CAMKMT: variants seen among roughly 807,000 people sequenced by gnomAD.
The protein encoded by CAMKMT is CaM KMT.
A neutral mutation model predicts 48.0 loss-of-function variants in CAMKMT; 53 were observed. That is an observed-to-expected ratio of 1.10 (90% CI 0.89 to 1.39). The LOEUF is 1.39. Ranked by LOEUF, CAMKMT falls within the 40% of genes most tolerant of loss-of-function variation. The pLI is 0.00. For missense variants in CAMKMT, 428 were observed against 402.7 expected, an observed-to-expected ratio of 1.06 and a Z score of -0.54; for synonymous variants, 165 against 152.3, an observed-to-expected ratio of 1.08 and a Z score of -0.61.
chr2:44,446,269 G>A (rs1480389813), intron 3 of CAMKMT, among the ~76,000 whole-genome samples: 1 of 151,996 alleles, frequency 6.6e-6, no homozygotes, highest in African/African-American at 2.4e-5. Context: ...CTGAATGCCA[G>A]TTATGTGTCA....
chr2:44,499,672 C>T (rs186866801), intron 3 of CAMKMT, among the ~76,000 whole-genome samples: 40 of 152,306 alleles, frequency 2.6e-4, no homozygotes, highest in Middle Eastern at 3.4e-3. Context: ...TGAAATTCTT[C>T]TAATATTACT....
chr2:44,556,314 T>C (rs866803076), intron 3 of CAMKMT, among the ~76,000 whole-genome samples: 8 of 151,826 alleles, frequency 5.3e-5, no homozygotes, highest in Non-Finnish European at 1.2e-4. Flanking sequence ...AATTTTTGTA[T>C]TTTTAGTAGA....
intron 3 of CAMKMT, among the ~76,000 whole-genome samples, chr2:44,399,368 G>A (rs1459278827): frequency 6.6e-6 from 1 of 152,108 alleles, no homozygotes; most frequent in Non-Finnish European, 1.5e-5. Flanking sequence ...ACTGCCATTA[G>A]ATACAAGTAA....
chr2:44,697,526 A>G (rs1677021394), intron 3 of CAMKMT, among the ~76,000 whole-genome samples: 1 of 152,144 alleles, frequency 6.6e-6, no homozygotes, highest in South Asian at 2.1e-4. Flanking sequence ...TTGCCTAAAA[A>G]TCTTAGCAAA....
At chr2:44,718,893 T>G (rs1678312300) in intron 7 of CAMKMT, among the ~76,000 whole-genome samples, 1 of 152,184 alleles carries the variant, frequency 6.6e-6, no homozygotes, top group Non-Finnish European at 1.5e-5. Flanking sequence ...TAACCCAAAC[T>G]TTACCTTTAT....
intron 3 of CAMKMT, among the ~76,000 whole-genome samples, chr2:44,543,352 C>T (rs1281007283): frequency 6.6e-6 from 1 of 152,048 alleles, no homozygotes; most frequent in East Asian, 1.9e-4. Flanking sequence ...AAGACATTTC[C>T]CTGTATTAAA....
At chr2:44,693,807 A>G (rs1676789868) in intron 3 of CAMKMT, among the ~76,000 whole-genome samples, 1 of 152,152 alleles carries the variant, frequency 6.6e-6, no homozygotes, top group African/African-American at 2.4e-5. Context: ...AGTAACATCT[A>G]CCCGTGCATT....
At position 44,571,988 on chromosome 2, in the gene CAMKMT, A is replaced by G. The variant is rs1572828264; in HGVS notation, c.377-132295A>G. On this transcript the variant is annotated intron_variant, in intron 3 of 10. Coordinates refer to ENST00000378494, the MANE Select transcript of CAMKMT (RefSeq NM_024766.5). Reference sequence around the variant, plus strand: ...AAAATCCTATTTTAAAATATTTTTTATCATGGTAAAACATATATAATCTTT... The same window carrying G: ...AAAATCCTATTTTAAAATATTTTTTGTCATGGTAAAACATATATAATCTTT... 1.3e-5 allele frequency among the ~76,000 whole-genome samples: 2 copies of G among 152,312 alleles called. 1 individual carries two copies. Among genetic ancestry groups the G allele is most frequent in the Admixed American group, 1.3e-4 (2 of 15,306 alleles).
chr2:44,700,838 G>A (rs1048586019), intron 3 of CAMKMT, among the ~76,000 whole-genome samples: 2 of 152,134 alleles, frequency 1.3e-5, no homozygotes, highest in Admixed American at 6.5e-5. Flanking sequence ...GCTCGGTGCA[G>A]GGTTGCCACA....
At chr2:44,465,267 A>G (rs1427242007) in intron 3 of CAMKMT, among the ~76,000 whole-genome samples, 1 of 152,130 alleles carries the variant, frequency 6.6e-6, no homozygotes, top group Admixed American at 6.5e-5. Flanking sequence ...GCTGCACAAA[A>G]AAAATGAGAA....
chr2:44,770,869 A>G (rs569971030), intron 10 of CAMKMT, among the ~76,000 whole-genome samples: 1 of 152,352 alleles, frequency 6.6e-6, no homozygotes, highest in East Asian at 1.9e-4. Context: ...TGTCTAAGAA[A>G]ACAGAATGAA....
intron 7 of CAMKMT, among the ~76,000 whole-genome samples, chr2:44,738,730 C>T (rs530583166): frequency 6.6e-6 from 1 of 152,198 alleles, no homozygotes; most frequent in East Asian, 1.9e-4. Flanking sequence ...TTATATTGCA[C>T]ATTAAAGGGT....
chr2:44,676,855 G>C (rs1302983942), intron 3 of CAMKMT: 1 of 152,152 alleles, frequency 6.6e-6, no homozygotes, highest in African/African-American at 2.4e-5. Context: ...TAAGTAAATG[G>C]TTATTTTTTC....
chr2:44,709,048 G>T (rs1391714771), intron 6 of CAMKMT, among the ~76,000 whole-genome samples: 1 of 152,144 alleles, frequency 6.6e-6, no homozygotes. Flanking sequence ...CCAAAGAAGG[G>T]AAGCAATGCT....
At chr2:44,683,310 G>A (rs1676126771) in intron 3 of CAMKMT, among the ~76,000 whole-genome samples, 2 of 152,172 alleles carry the variant, frequency 1.3e-5, no homozygotes, top group East Asian at 3.9e-4. Context: ...CCACCTGGAA[G>A]GTAAAATCTC....
intron 3 of CAMKMT, among the ~76,000 whole-genome samples, chr2:44,632,443 A>G (rs1275085021): frequency 6.6e-6 from 1 of 152,244 alleles, no homozygotes; most frequent in African/African-American, 2.4e-5. Context: ...TGAGGTTTAC[A>G]ACATGATGTT....
intron 3 of CAMKMT, among the ~76,000 whole-genome samples, chr2:44,548,899 G>GTGAT (rs1357354845): frequency 2.0e-4 from 31 of 152,130 alleles, no homozygotes; most frequent in African/African-American, 6.8e-4. Context: ...TTTCAGCCTT[G>GTGAT]TGATTCCCTG....
At chr2:44,667,342 G>A (rs1235073007) in intron 3 of CAMKMT, among the ~76,000 whole-genome samples, 4 of 152,148 alleles carry the variant, frequency 2.6e-5, no homozygotes, top group Non-Finnish European at 5.9e-5. Context: ...CTCCCCTGAG[G>A]ACCCTGCTTC....
intron 3 of CAMKMT, among the ~76,000 whole-genome samples, chr2:44,530,579 T>G (rs1462274026): frequency 2.0e-5 from 3 of 152,164 alleles, no homozygotes; most frequent in Non-Finnish European, 4.4e-5. Context: ...AGTCAATGCA[T>G]TTTTCCCAAT....
Sources: allele counts gnomAD v4.1 joint callset (sites outside exome capture counted in the v4.1 genomes callset), GRCh38; gene constraint gnomAD v4.1.1; transcripts MANE v1.5; gene names NCBI Gene and HGNC (gene_info 2026-07-23, HGNC 2026-07-21).